The following ERICH5 variants were observed in gnomAD, a reference collection of about 807,000 sequenced individuals.
ERICH5 encodes glutamate rich 5, also known as glutamate-rich protein 5.
In ERICH5, 24 loss-of-function variants were observed where a neutral mutation model predicts 28.0. The ratio of observed to expected loss-of-function variants is 0.86; its 90% CI spans 0.62 to 1.21. The LOEUF (loss-of-function observed/expected upper bound fraction) is 1.21. Among genes scored for constraint, ERICH5 ranks in the 50% most tolerant of loss-of-function variants. The probability of loss-of-function intolerance (pLI) is 0.00; values close to 1 mark genes in which losing one functional copy is unlikely to be tolerated. For missense variants in ERICH5, 421 were observed against 441.2 expected, an observed-to-expected ratio of 0.95 and a Z score of 0.41; for synonymous variants, 163 against 157.6, an observed-to-expected ratio of 1.03 and a Z score of -0.25.
rs775854894 is a variant in ERICH5 at position 98,089,902 on chromosome 8, C to T, written c.885C>T (p.Asn295=). ...ATAAAACTCCTGAAGGTCCAGGAAA[C>T]ATGGAGCAGATTCAACCTGAAGGAA... ...PFHKTPEGPG[N]MEQIQPEGIV... is the part of the protein sequence containing the mutation. The change falls in exon 2 of 3, where the codon AAC becomes AAT. Residue 295 remains asparagine, a synonymous_variant. Transcript: ENST00000318528. The T allele has an allele frequency of 6.2e-7, 1 of 1,614,168 alleles. No homozygotes were observed. Among genetic ancestry groups the T allele is most frequent in the South Asian group, 1.1e-5 (1 of 91,076 alleles).
chr8:98,065,286 A>G (rs1814800589), intron 1 of ERICH5, among the ~76,000 whole-genome samples: 1 of 152,210 alleles, frequency 6.6e-6, no homozygotes, highest in Non-Finnish European at 1.5e-5. Context: ...GCGTTTCAGC[A>G]TCAAAGATGG....
chr8:98,074,319 C>G (rs146633760), intron 1 of ERICH5, among the ~76,000 whole-genome samples: 1 of 152,064 alleles, frequency 6.6e-6, no homozygotes, highest in East Asian at 1.9e-4. Flanking sequence ...CGAATGGCTA[C>G]AGTTTATGAG....
intron 1 of ERICH5, 113 bp from the exon 2 acceptor site, chr8:98,088,963 A>G: frequency 2.7e-6 from 2 of 750,688 alleles, no homozygotes; most frequent in African/African-American, 1.8e-5. Context: ...TATATTTGGA[A>G]CTGTCTTGAA....
At chr8:98,078,550 G>A (rs1221978930) in intron 1 of ERICH5, among the ~76,000 whole-genome samples, 3 of 152,132 alleles carry the variant, frequency 2.0e-5, no homozygotes, top group East Asian at 1.9e-4. Flanking sequence ...TTTCCGATTA[G>A]GGTAATGAAC....
intron 2 of ERICH5, 45 bp downstream of exon 2, chr8:98,090,074 A>G (rs767504972): frequency 2.1e-6 from 3 of 1,417,404 alleles, no homozygotes; most frequent in African/African-American, 1.4e-5. Context: ...TGTGCTCCAT[A>G]GGAGACCAGC....
chr8:98,072,451 A>G (rs1394535894), intron 1 of ERICH5, among the ~76,000 whole-genome samples: 6 of 152,194 alleles, frequency 3.9e-5, no homozygotes, highest in African/African-American at 1.2e-4. Context: ...CTTGGCCAAC[A>G]TGGTGAAACC....
In ERICH5 at chr8:98,067,634, A is replaced by G. The variant is rs1187514549; in HGVS notation, c.58+2907A>G. On this transcript the variant is annotated intron_variant, in intron 1 of 2. Transcript: ENST00000318528. ...TACTATGTATCTTTTTTTTTTTTTG[A>G]GACGGCATTTCGCTCTTGTTGCCCA... Among the ~76,000 whole-genome samples, 3 of 148,646 alleles carry G rather than the reference A, an allele frequency of 2.0e-5. No individual in the cohort carries two copies. The East Asian group carries it at 5.8e-4, about 29-fold the overall frequency.
intron 1 of ERICH5, among the ~76,000 whole-genome samples, chr8:98,085,802 C>T (rs1353085828): frequency 2.6e-5 from 4 of 152,182 alleles, no homozygotes; most frequent in Non-Finnish European, 4.4e-5. Flanking sequence ...CAGGCTTCCC[C>T]ACGTGTTCTC....
chr8:98,091,934 T>TC (rs1563759666), intron 2 of ERICH5, among the ~76,000 whole-genome samples: 2 of 53,876 alleles, frequency 3.7e-5, no homozygotes, highest in African/African-American at 1.4e-4. Context: ...TCTTTCTTTC[T>TC]TCCTTTCTTT....
chr8:98,070,631 G>A, intron 1 of ERICH5, among the ~76,000 whole-genome samples: 1 of 98,030 alleles, frequency 1.0e-5, no homozygotes, highest in East Asian at 2.5e-4. Flanking sequence ...TTGCACTCCA[G>A]CCTGGGCAAC....
intron 2 of ERICH5, among the ~76,000 whole-genome samples, chr8:98,091,099 G>A (rs560162761): frequency 2.6e-5 from 4 of 152,116 alleles, no homozygotes; most frequent in South Asian, 2.1e-4. Context: ...CACCATGCCC[G>A]GCTAGTTTTT....
intron 1 of ERICH5, among the ~76,000 whole-genome samples, chr8:98,081,402 A>T (rs1002591581): frequency 6.6e-6 from 1 of 152,150 alleles, no homozygotes; most frequent in Non-Finnish European, 1.5e-5. Context: ...CACCACACCC[A>T]GACACTGTGC....
In ERICH5 at chr8:98,067,968, C is replaced by A. The variant is rs370394570; in HGVS notation, c.58+3241C>A. 2.1e-3 allele frequency among the ~76,000 whole-genome samples: 313 copies of A among 151,690 alleles called. 6 individuals are homozygous for A. Among genetic ancestry groups the A allele is most frequent in the South Asian group, 0.014 (65 of 4,786 alleles). ...TTATGATTCTAAATATTAGTCTAAT[C>A]CCTAAATAAGATATATAGTATAATG... On this transcript the variant is annotated intron_variant, in intron 1 of 2. Transcript: ENST00000318528.
chr8:98,092,548 T>A (rs1427566247), intron 2 of ERICH5, among the ~76,000 whole-genome samples: 1 of 152,190 alleles, frequency 6.6e-6, no homozygotes, highest in Non-Finnish European at 1.5e-5. Context: ...CAAGTGATCC[T>A]CTTGCCTCAG....
At chr8:98,075,947 TCAGA>T (rs761375868) in intron 1 of ERICH5, among the ~76,000 whole-genome samples, 1 of 151,678 alleles carries the variant, frequency 6.6e-6, no homozygotes, top group East Asian at 1.9e-4. Flanking sequence ...TACTCTGTAC[TCAGA>T]CAGAGTGAAA....
chr8:98,088,985 A>G, intron 1 of ERICH5, 91 bp from the exon 2 acceptor site: 1 of 954,760 alleles, frequency 1.0e-6, no homozygotes, highest in Non-Finnish European at 1.5e-6. Context: ...TGTTAAATCT[A>G]CTTTGTGATG....
Position 98,089,672 on chromosome 8 carries a change from G to A in ERICH5, c.655G>A (p.Glu219Lys), listed in dbSNP as rs909341414. 1 of 1,614,138 alleles carries A rather than the reference G, an allele frequency of 6.2e-7. No individual in the cohort carries two copies. Among genetic ancestry groups the A allele is most frequent in the Non-Finnish European group, 8.5e-7 (1 of 1,180,036 alleles). ...VGKDEQAPLL[E>K]TISKENESPE... ...AAAGGATGAGCAGGCCCCGCTTCTA[G>A]AAACAATTTCCAAAGAGAATGAATC... The change falls in exon 2 of 3, where the codon GAA becomes AAA. Residue 219 changes from glutamate (E) to lysine (K), a missense_variant. Coordinates refer to ENST00000318528, the MANE Select transcript of ERICH5 (RefSeq NM_173549.3).
chr8:98,085,285 C>G (rs1251807324), intron 1 of ERICH5, among the ~76,000 whole-genome samples: 1 of 151,224 alleles, frequency 6.6e-6, no homozygotes, highest in East Asian at 1.9e-4. Flanking sequence ...CTCAGCCTCC[C>G]GAGTAGCTGG....
At chr8:98,092,976 A>C (rs1480143177) in intron 2 of ERICH5, among the ~76,000 whole-genome samples, 1 of 151,906 alleles carries the variant, frequency 6.6e-6, no homozygotes, top group African/African-American at 2.4e-5. Flanking sequence ...GGGTTTCATT[A>C]CTTTGGGCTA....
Sources: allele counts gnomAD v4.1 joint callset (sites outside exome capture counted in the v4.1 genomes callset), GRCh38; gene constraint gnomAD v4.1.1; transcripts MANE v1.5; gene names NCBI Gene and HGNC (gene_info 2026-07-23, HGNC 2026-07-21).